Variants in PSMA6 observed in about 807,000 individuals in gnomAD.
PSMA6 encodes the protein proteasome subunit alpha type-6.
For missense variants in PSMA6, 170 were observed against 294.8 expected (o/e 0.58, Z 3.10); for synonymous variants, 88 against 97.7 (o/e 0.90, Z 0.59).
At chr14:35,316,132 TCC>T (rs1450145207) in intron 6 of PSMA6, 1 of 152,218 alleles carries the variant, frequency 6.6e-6, no homozygotes, top group Non-Finnish European at 1.5e-5. Flanking sequence ...ACACCTGTAA[TCC>T]CAGCACTTTG....
intron 1 of PSMA6, among the ~76,000 whole-genome samples, chr14:35,280,028 G>A: frequency 6.6e-6 from 1 of 152,060 alleles, no homozygotes; most frequent in East Asian, 1.9e-4. Flanking sequence ...GGGAGGCTGA[G>A]GCAGGAGAAT....
upstream of PSMA6, among the ~76,000 whole-genome samples, chr14:35,291,823 CAAAAAA>C (rs113987343): frequency 4.8e-4 from 23 of 47,748 alleles, no homozygotes; most frequent in African/African-American, 1.6e-3. Context: ...AACTCTGTCT[CAAAAAA>C]AAAAAAAAAA....
At chr14:35,314,742 TTC>T (rs1491361841) in intron 6 of PSMA6, 983 of 168,428 alleles carry the variant, frequency 5.8e-3, no homozygotes, top group East Asian at 0.023. Flanking sequence ...CATAAGTGTT[TTC>T]TTTTTTTTAG....
At chr14:35,302,411 T>G (rs1391514298) in intron 1 of PSMA6, among the ~76,000 whole-genome samples, 1 of 145,108 alleles carries the variant, frequency 6.9e-6, no homozygotes, top group Non-Finnish European at 1.6e-5. Flanking sequence ...ACTTATTATG[T>G]CATAGTTTCT....
chr14:35,308,539 GA>G, intron 2 of PSMA6: 1 of 198,864 alleles, frequency 5.0e-6, no homozygotes. Context: ...TGTCATCCAA[GA>G]AGTGTCTATT....
At chr14:35,314,636 C>A in intron 6 of PSMA6, 181 bp downstream of exon 6, 2 of 665,744 alleles carry the variant, frequency 3.0e-6, no homozygotes, top group Non-Finnish European at 4.3e-6. Context: ...ATTTAAGAGT[C>A]AGATATGAAA....
intron 4 of PSMA6, 85 bp downstream of exon 4, chr14:35,310,980 T>G (rs2051933315): frequency 7.4e-7 from 1 of 1,355,310 alleles, no homozygotes; most frequent in Non-Finnish European, 1.0e-6. Context: ...AAATAACACT[T>G]GAGTTCTGAA....
At chr14:35,310,399 G>T (rs907787743) in intron 3 of PSMA6, 2 of 347,030 alleles carry the variant, frequency 5.8e-6, no homozygotes, top group East Asian at 1.6e-4. Flanking sequence ...CAAGTGATCC[G>T]CCTCTCTTGG....
chr14:35,317,124 T>A, intron 6 of PSMA6, 125 bp from the exon 7 acceptor site: 2 of 703,724 alleles, frequency 2.8e-6, no homozygotes, highest in Non-Finnish European at 5.0e-6. Flanking sequence ...AAGATTGGTT[T>A]ATAAATTGAT....
chr14:35,293,630 C>T (rs1266171229), intron 1 of PSMA6, among the ~76,000 whole-genome samples: 1 of 152,176 alleles, frequency 6.6e-6, no homozygotes, highest in African/African-American at 2.4e-5. Flanking sequence ...TGTATTACTG[C>T]ATAGTGTATA....
intron 2 of PSMA6, chr14:35,308,713 A>G: frequency 2.1e-6 from 1 of 467,616 alleles, no homozygotes; most frequent in South Asian, 3.1e-5. Context: ...CATCTAGAAA[A>G]GGTAAATAGA....
At chr14:35,281,174 C>CT (rs1415296854) in intron 1 of PSMA6, among the ~76,000 whole-genome samples, 1 of 152,174 alleles carries the variant, frequency 6.6e-6, no homozygotes, top group African/African-American at 2.4e-5. Context: ...AGTGCAAATT[C>CT]TTTCATACTT....
chr14:35,316,264 T>C (rs1471143283), intron 6 of PSMA6: 1 of 151,584 alleles, frequency 6.6e-6, no homozygotes, highest in Non-Finnish European at 1.5e-5. Flanking sequence ...TGGACGCCTG[T>C]AATCCCAGCT....
intron 1 of PSMA6, among the ~76,000 whole-genome samples, chr14:35,301,338 C>T (rs1566556881): frequency 1.3e-5 from 2 of 151,728 alleles, no homozygotes; most frequent in Non-Finnish European, 2.9e-5. Flanking sequence ...AACCCCGTCT[C>T]TACTAAAAAT....
chr14:35,297,355 G>C (rs1209853492), intron 1 of PSMA6, among the ~76,000 whole-genome samples: 1 of 151,644 alleles, frequency 6.6e-6, no homozygotes, highest in South Asian at 2.1e-4. Context: ...AGCTGGGACT[G>C]TAGGCGCCTG....
intron 1 of PSMA6, among the ~76,000 whole-genome samples, chr14:35,305,349 T>A (rs1163867760): frequency 6.6e-6 from 1 of 152,132 alleles, no homozygotes; most frequent in Non-Finnish European, 1.5e-5. Context: ...TTGCCCAGGC[T>A]GGCCTGGGAC....
chr14:35,310,985 T>C, intron 4 of PSMA6, 90 bp downstream of exon 4: 2 of 1,310,868 alleles, frequency 1.5e-6, no homozygotes, highest in African/African-American at 1.5e-5. Flanking sequence ...ACACTTGAGT[T>C]CTGAACATGT....
chr14:35,301,471 C>T (rs1353040706), intron 1 of PSMA6, among the ~76,000 whole-genome samples: 1 of 151,454 alleles, frequency 6.6e-6, no homozygotes, highest in African/African-American at 2.4e-5. Flanking sequence ...TGCTCCACTG[C>T]ACACCAGCCT....
intron 1 of PSMA6, among the ~76,000 whole-genome samples, chr14:35,301,400 A>G (rs1292705878): frequency 2.0e-5 from 3 of 151,918 alleles, no homozygotes; most frequent in Non-Finnish European, 4.4e-5. Flanking sequence ...CCAGCTACTC[A>G]GGAAGCTGAG....
Sources: allele counts gnomAD v4.1 joint callset (sites outside exome capture counted in the v4.1 genomes callset), GRCh38; gene constraint gnomAD v4.1.1; transcripts MANE v1.5; gene names NCBI Gene and HGNC (gene_info 2026-07-23, HGNC 2026-07-21).